Variants in NRXN3 observed in about 807,000 individuals in gnomAD.
The protein encoded by NRXN3 is neurexin III.
Under a neutral mutation model 137.6 loss-of-function variants are expected in NRXN3, and 32 were observed. That is an observed-to-expected ratio of 0.23 (90% CI 0.18 to 0.31). The LOEUF is 0.31. Among genes scored for constraint, NRXN3 ranks in the 10% least tolerant of loss-of-function variants. The pLI, the probability that NRXN3 is intolerant of heterozygous loss-of-function variation, is 1.00. For synonymous variants in NRXN3, 798 were observed against 784.5 expected, an observed-to-expected ratio of 1.02 and a Z score of -0.29; for missense variants, 1,574 against 2,062.5, an observed-to-expected ratio of 0.76 and a Z score of 4.59.
At chr14:79,375,421 C>G (rs552575770) in intron 15 of NRXN3, among the ~76,000 whole-genome samples, 1 of 151,868 alleles carries the variant, frequency 6.6e-6, no homozygotes, top group African/African-American at 2.4e-5. Context: ...CATGCTCATG[C>G]ACTGTCTGGG....
intron 4 of NRXN3, among the ~76,000 whole-genome samples, chr14:78,532,050 A>C (rs1380619069): frequency 2.0e-5 from 3 of 151,868 alleles, no homozygotes; most frequent in Admixed American, 2.0e-4. Context: ...CATGCCTGTA[A>C]TCCCAGCACT....
intron 4 of NRXN3, among the ~76,000 whole-genome samples, chr14:78,503,040 CA>C (rs1279561786): frequency 1.3e-5 from 2 of 152,130 alleles, no homozygotes; most frequent in African/African-American, 4.8e-5. Flanking sequence ...AAAGCAGTGC[CA>C]TATTATTTTA....
intron 10 of NRXN3, among the ~76,000 whole-genome samples, chr14:78,910,040 T>A (rs2099232348): frequency 1.3e-5 from 2 of 152,178 alleles, no homozygotes; most frequent in South Asian, 4.1e-4. Context: ...GAGTCATTCT[T>A]AGTATGATAG....
intron 10 of NRXN3, among the ~76,000 whole-genome samples, chr14:78,812,680 C>A (rs2098917987): frequency 6.6e-6 from 1 of 152,232 alleles, no homozygotes; most frequent in East Asian, 1.9e-4. Flanking sequence ...TTACACCCCA[C>A]CAAAAACAGC....
intron 16 of NRXN3, among the ~76,000 whole-genome samples, chr14:79,648,535 G>A (rs2098461782): frequency 7.4e-6 from 1 of 135,678 alleles, no homozygotes. Flanking sequence ...GAATTTGTAA[G>A]TTCTGTATTA....
At chr14:79,661,403 C>T (rs889216179) in intron 16 of NRXN3, among the ~76,000 whole-genome samples, 5 of 152,116 alleles carry the variant, frequency 3.3e-5, no homozygotes, top group Non-Finnish European at 7.4e-5. Context: ...CTATATTCCT[C>T]GCTTCTAAGA....
At chr14:79,231,108 G>A (rs748834513) in intron 15 of NRXN3, among the ~76,000 whole-genome samples, 13 of 152,118 alleles carry the variant, frequency 8.5e-5, no homozygotes, top group Non-Finnish European at 1.8e-4. Context: ...AGAGCAAGAT[G>A]TTCAAAAGCA....
intron 4 of NRXN3, among the ~76,000 whole-genome samples, chr14:78,411,963 G>A (rs2092857761): frequency 6.6e-6 from 1 of 152,030 alleles, no homozygotes; most frequent in Non-Finnish European, 1.5e-5. Flanking sequence ...CATTGCTAAT[G>A]GTATTCCCTT....
chr14:78,347,229 C>G (rs1047117708), intron 4 of NRXN3, among the ~76,000 whole-genome samples: 1 of 152,114 alleles, frequency 6.6e-6, no homozygotes, highest in South Asian at 2.1e-4. Flanking sequence ...AAACAACAGT[C>G]TTATGTATTT....
chr14:78,212,455 AT>A (rs1188083807), intron 1 of NRXN3, among the ~76,000 whole-genome samples: 1 of 152,132 alleles, frequency 6.6e-6, no homozygotes, highest in African/African-American at 2.4e-5. Flanking sequence ...TCAATTTCTG[AT>A]TTATCCTCAC....
chr14:78,857,060 C>T (rs1233026720), intron 10 of NRXN3, among the ~76,000 whole-genome samples: 3 of 152,072 alleles, frequency 2.0e-5, no homozygotes, highest in African/African-American at 7.2e-5. Context: ...TTTTTTATCC[C>T]ATGGTTACAT....
chr14:78,609,890 T>G (rs1198110841), intron 4 of NRXN3, among the ~76,000 whole-genome samples: 1 of 152,068 alleles, frequency 6.6e-6, no homozygotes, highest in Non-Finnish European at 1.5e-5. Context: ...TTTTCAGGGA[T>G]CTTGGAAAAC....
At chr14:78,236,655 T>C (rs573964586) in intron 1 of NRXN3, among the ~76,000 whole-genome samples, 17 of 152,304 alleles carry the variant, frequency 1.1e-4, no homozygotes, top group African/African-American at 4.1e-4. Context: ...AGCATAATTT[T>C]CCAAAAGTAG....
chr14:78,223,100 G>GT (rs1424936627), intron 1 of NRXN3, among the ~76,000 whole-genome samples: 1 of 152,202 alleles, frequency 6.6e-6, no homozygotes, highest in Non-Finnish European at 1.5e-5. Context: ...TTGCCAGAGG[G>GT]TTGCATGACT....
intron 15 of NRXN3, among the ~76,000 whole-genome samples, chr14:79,204,036 A>G (rs561752314): frequency 6.6e-6 from 1 of 152,220 alleles, no homozygotes; most frequent in East Asian, 1.9e-4. Flanking sequence ...ATGCAGTCAA[A>G]TGGCTCTTGG....
intron 4 of NRXN3, among the ~76,000 whole-genome samples, chr14:78,326,603 ATGTT>A (rs1157972633): frequency 1.3e-5 from 2 of 152,240 alleles, no homozygotes; most frequent in African/African-American, 2.4e-5. Flanking sequence ...TGGGGTGCAC[ATGTT>A]TGTGCAGGGA....
intron 10 of NRXN3, among the ~76,000 whole-genome samples, chr14:78,827,387 T>A (rs1347181331): frequency 6.6e-6 from 1 of 152,168 alleles, no homozygotes; most frequent in Admixed American, 6.5e-5. Context: ...CACTTTTTCC[T>A]AACATATGGA....
At chr14:78,760,204 G>A (rs532393475) in intron 8 of NRXN3, among the ~76,000 whole-genome samples, 3 of 151,172 alleles carry the variant, frequency 2.0e-5, no homozygotes, top group East Asian at 3.9e-4. Flanking sequence ...CACCACACCT[G>A]GCTAATTTTG....
chr14:78,181,895 A>G (rs2059839522), intron 1 of NRXN3, among the ~76,000 whole-genome samples: 1 of 152,142 alleles, frequency 6.6e-6, no homozygotes, highest in Non-Finnish European at 1.5e-5. Context: ...GCAGATATTT[A>G]TTAAACACCT....
Sources: gnomAD v4.1 joint callset for allele counts (sites outside exome capture counted in the v4.1 genomes callset) on GRCh38, gnomAD v4.1.1 for gene constraint, MANE v1.5 for transcripts, NCBI Gene and HGNC (gene_info 2026-07-23, HGNC 2026-07-21) for gene names.